Variants in DDX10 observed in about 807,000 individuals in gnomAD.
DDX10 encodes DEAD-box helicase 10.
A neutral mutation model predicts 104.3 loss-of-function variants in DDX10; 74 were observed. The observed-to-expected ratio is 0.71, with a 90% CI of 0.59 to 0.86. DDX10 has a LOEUF of 0.86. Among genes scored for constraint, DDX10 ranks in the 40% least tolerant of loss-of-function variants. DDX10 has a pLI of 0.00. For missense variants in DDX10, 952 were observed against 1,040.0 expected, an observed-to-expected ratio of 0.92 and a Z score of 1.16; for synonymous variants, 351 against 353.4, an observed-to-expected ratio of 0.99 and a Z score of 0.08.
intron 13 of DDX10, among the ~76,000 whole-genome samples, chr11:108,759,292 A>G (rs1008267443): frequency 1.3e-4 from 20 of 152,090 alleles, no homozygotes; most frequent in Non-Finnish European, 2.9e-5. Context: ...CCAAAACAAA[A>G]TAACAAAGCT....
chr11:108,858,727 A>G (rs780532604), intron 16 of DDX10, among the ~76,000 whole-genome samples: 16 of 152,334 alleles, frequency 1.1e-4, no homozygotes, highest in Non-Finnish European at 1.8e-4. Flanking sequence ...TTCTTAAAGG[A>G]TGAGTTGTCC....
At chr11:108,845,215 A>T (rs1862699169) in intron 15 of DDX10, among the ~76,000 whole-genome samples, 1 of 150,124 alleles carries the variant, frequency 6.7e-6, no homozygotes. Flanking sequence ...CTCAAAAACA[A>T]ACAAACAAAC....
chr11:108,889,472 C>G (rs1370267366), intron 16 of DDX10, among the ~76,000 whole-genome samples: 1 of 151,896 alleles, frequency 6.6e-6, no homozygotes, highest in African/African-American at 2.4e-5. Flanking sequence ...TGAAAAGGTA[C>G]AAAATAAAAT....
intron 16 of DDX10, among the ~76,000 whole-genome samples, chr11:108,915,923 A>C (rs2134662576): frequency 6.9e-6 from 1 of 145,602 alleles, no homozygotes; most frequent in Admixed American, 7.1e-5. Flanking sequence ...CACTTAACCC[A>C]GACATTAAAG....
intron 13 of DDX10, among the ~76,000 whole-genome samples, chr11:108,783,198 G>C (rs1269427468): frequency 3.3e-5 from 5 of 151,088 alleles, no homozygotes; most frequent in Admixed American, 3.3e-4. Flanking sequence ...AAAGATATGA[G>C]ACTGTTTCAG....
chr11:108,822,475 G>A, intron 13 of DDX10: 1 of 313,936 alleles, frequency 3.2e-6, no homozygotes, highest in East Asian at 9.2e-5. Context: ...CTTTCCCCAG[G>A]TGATGCCTTT....
At chr11:108,765,633 A>G (rs12803616) in intron 13 of DDX10, among the ~76,000 whole-genome samples, 21,069 of 152,234 alleles carry the variant, frequency 0.14, 1,594 homozygotes, top group East Asian at 0.25. Context: ...GTGTCAGTTT[A>G]CTTCTGCATT....
intron 13 of DDX10, among the ~76,000 whole-genome samples, chr11:108,785,678 A>C (rs911725960): frequency 6.6e-6 from 1 of 152,138 alleles, no homozygotes; most frequent in African/African-American, 2.4e-5. Flanking sequence ...TGTTTCCAGG[A>C]ACTTATCCAT....
chr11:108,830,612 C>G (rs1379097367), intron 13 of DDX10, among the ~76,000 whole-genome samples: 1 of 152,118 alleles, frequency 6.6e-6, no homozygotes, highest in Non-Finnish European at 1.5e-5. Context: ...AGTGGGCATC[C>G]TTGTCTTGTT....
At chr11:108,801,935 G>T (rs937612070) in intron 13 of DDX10, among the ~76,000 whole-genome samples, 2 of 151,734 alleles carry the variant, frequency 1.3e-5, no homozygotes, top group Non-Finnish European at 2.9e-5. Flanking sequence ...ACATAGCACT[G>T]TTCTAGTAAG....
At chr11:108,786,719 CT>C (rs1682468814) in intron 13 of DDX10, among the ~76,000 whole-genome samples, 1 of 152,136 alleles carries the variant, frequency 6.6e-6, no homozygotes, top group African/African-American at 2.4e-5. Context: ...TTTATTTTTA[CT>C]TTCAGCCTGT....
At chr11:108,879,275 C>G (rs1194823848) in intron 16 of DDX10, among the ~76,000 whole-genome samples, 4 of 152,154 alleles carry the variant, frequency 2.6e-5, no homozygotes, top group African/African-American at 9.7e-5. Flanking sequence ...GCTGAGATTA[C>G]AGGCATGAGC....
intron 13 of DDX10, among the ~76,000 whole-genome samples, chr11:108,765,293 T>C (rs922565869): frequency 2.0e-5 from 3 of 152,206 alleles, no homozygotes; most frequent in African/African-American, 7.2e-5. Flanking sequence ...TAAATCCCCA[T>C]TCTGTCCCTC....
intron 13 of DDX10, among the ~76,000 whole-genome samples, chr11:108,823,512 A>G (rs536791024): frequency 2.6e-5 from 4 of 152,172 alleles, no homozygotes; most frequent in African/African-American, 7.2e-5. Context: ...GTCTTAAAAT[A>G]TTGTGTCAAA....
intron 13 of DDX10, among the ~76,000 whole-genome samples, chr11:108,782,958 T>C (rs544181127): frequency 6.6e-6 from 1 of 152,322 alleles, no homozygotes; most frequent in East Asian, 1.9e-4. Flanking sequence ...ATTTCTCTAT[T>C]CTTCACCCAC....
At chr11:108,817,472 C>T (rs1862271037) in intron 13 of DDX10, among the ~76,000 whole-genome samples, 1 of 152,204 alleles carries the variant, frequency 6.6e-6, no homozygotes. Context: ...AAAGGCCTTT[C>T]CTATTTTTCT....
At chr11:108,885,620 C>G (rs1246335210) in intron 16 of DDX10, among the ~76,000 whole-genome samples, 2 of 152,070 alleles carry the variant, frequency 1.3e-5, no homozygotes, top group Non-Finnish European at 2.9e-5. Flanking sequence ...GGTGATCCAC[C>G]CTCCTCTGCC....
At chr11:108,717,840 G>A (rs2094293450) in intron 11 of DDX10, among the ~76,000 whole-genome samples, 2 of 152,122 alleles carry the variant, frequency 1.3e-5, no homozygotes, top group South Asian at 4.1e-4. Flanking sequence ...GTACAAATGG[G>A]TAAATGCTAG....
chr11:108,771,458 C>A (rs538534588), intron 13 of DDX10, among the ~76,000 whole-genome samples: 1 of 152,096 alleles, frequency 6.6e-6, no homozygotes, highest in Non-Finnish European at 1.5e-5. Context: ...CATTCTCCTG[C>A]GTCAGCCTCC....
Sources: gnomAD v4.1 joint callset for allele counts (sites outside exome capture counted in the v4.1 genomes callset) on GRCh38, gnomAD v4.1.1 for gene constraint, MANE v1.5 for transcripts, NCBI Gene and HGNC (gene_info 2026-07-23, HGNC 2026-07-21) for gene names.